The following RPSA2 variants were observed in gnomAD, a reference collection of about 807,000 sequenced individuals.
The protein encoded by RPSA2 is small ribosomal subunit protein uS2B.
the RPSA2 span, among the ~76,000 whole-genome samples, chr19:23,861,080 T>C: frequency 6.6e-6 from 1 of 152,094 alleles, no homozygotes; most frequent in South Asian, 2.1e-4. Context: ...CTTGGACAAA[T>C]TTTTAGATTA....
the RPSA2 span, among the ~76,000 whole-genome samples, chr19:23,769,439 G>C: frequency 6.6e-6 from 1 of 152,134 alleles, no homozygotes; most frequent in Non-Finnish European, 1.5e-5. Context: ...CACCTCCTGG[G>C]TTCAAGTGAT....
chr19:23,835,678 C>T, the RPSA2 span, among the ~76,000 whole-genome samples: 1 of 151,886 alleles, frequency 6.6e-6, no homozygotes, highest in Admixed American at 6.6e-5. Flanking sequence ...GCTCTGTCTC[C>T]CAGGCTGGAG....
the RPSA2 span, among the ~76,000 whole-genome samples, chr19:23,835,282 G>T: frequency 6.6e-6 from 1 of 152,048 alleles, no homozygotes; most frequent in South Asian, 2.1e-4. Flanking sequence ...GATTTACATA[G>T]AGTTAAATAT....
At chr19:23,762,663 G>A in the RPSA2 span, among the ~76,000 whole-genome samples, 1 of 108,230 alleles carries the variant, frequency 9.2e-6, no homozygotes, top group Admixed American at 1.2e-4. Context: ...GCAATGAGGC[G>A]GAAACTCGGT....
the RPSA2 span, among the ~76,000 whole-genome samples, chr19:23,772,667 A>C: frequency 2.0e-5 from 3 of 152,268 alleles, no homozygotes; most frequent in East Asian, 5.8e-4. Context: ...TCTAATATGC[A>C]CACCTCGCCA....
the RPSA2 span, chr19:23,819,461 G>A: frequency 6.6e-6 from 1 of 152,344 alleles, no homozygotes; most frequent in East Asian, 1.9e-4. Context: ...GCAGCAGTGA[G>A]TAGACAAGAT....
chr19:23,841,380 C>T, the RPSA2 span, among the ~76,000 whole-genome samples: 8 of 152,048 alleles, frequency 5.3e-5, no homozygotes, highest in Non-Finnish European at 7.3e-5. Context: ...AGGAGAATGG[C>T]GTGAACCTGA....
chr19:23,832,092 A>G, the RPSA2 span: 1 of 457,412 alleles, frequency 2.2e-6, no homozygotes, highest in Non-Finnish European at 4.4e-6. Context: ...AGCAACACTC[A>G]ACCCTTACTA....
At chr19:23,771,749 T>C in the RPSA2 span, among the ~76,000 whole-genome samples, 2 of 152,096 alleles carry the variant, frequency 1.3e-5, no homozygotes, top group Non-Finnish European at 2.9e-5. Context: ...CTGTAATATA[T>C]TTCTGGGTCC....
the RPSA2 span, among the ~76,000 whole-genome samples, chr19:23,852,758 G>T: frequency 2.1e-4 from 32 of 152,308 alleles, no homozygotes; most frequent in South Asian, 2.7e-3. Context: ...CCAGTTTATG[G>T]CCAGATTTTG....
the RPSA2 span, among the ~76,000 whole-genome samples, chr19:23,784,017 AC>A: frequency 1.5e-3 from 225 of 152,268 alleles, 2 homozygotes; most frequent in African/African-American, 5.2e-3. Flanking sequence ...GGCCCAGCAC[AC>A]AGTTGATGTG....
the RPSA2 span, among the ~76,000 whole-genome samples, chr19:23,765,775 TAAA>T: frequency 3.3e-5 from 5 of 152,150 alleles, no homozygotes; most frequent in African/African-American, 1.2e-4. Flanking sequence ...ACTTAAAAGT[TAAA>T]AAAATAATTT....
At chr19:23,863,478 C>A in the RPSA2 span, among the ~76,000 whole-genome samples, 2 of 147,678 alleles carry the variant, frequency 1.4e-5, no homozygotes, top group African/African-American at 5.0e-5. Flanking sequence ...GCAAGAGAAT[C>A]GCTTGAACTC....
chr19:23,831,824 A>G, the RPSA2 span: 1 of 303,858 alleles, frequency 3.3e-6, no homozygotes, highest in Non-Finnish European at 6.9e-6. Flanking sequence ...TAAATGTTTG[A>G]AAGTCCTTTA....
the RPSA2 span, among the ~76,000 whole-genome samples, chr19:23,823,271 C>T: frequency 6.6e-6 from 1 of 152,148 alleles, no homozygotes; most frequent in Non-Finnish European, 1.5e-5. Context: ...CAATACAGCA[C>T]AACACATTCA....
chr19:23,866,231 C>T, the RPSA2 span, among the ~76,000 whole-genome samples: 1 of 152,214 alleles, frequency 6.6e-6, no homozygotes, highest in Non-Finnish European at 1.5e-5. Context: ...ACAGGGATCA[C>T]AGGAGCCTTA....
At chr19:23,863,302 A>G in the RPSA2 span, among the ~76,000 whole-genome samples, 14 of 152,158 alleles carry the variant, frequency 9.2e-5, no homozygotes, top group Non-Finnish European at 2.1e-4. Context: ...AGTGGCACCC[A>G]CCTGTAATCT....
At chr19:23,862,620 A>C in the RPSA2 span, among the ~76,000 whole-genome samples, 1 of 152,134 alleles carries the variant, frequency 6.6e-6, no homozygotes. Context: ...CCTTTTCTGC[A>C]TCTATTGAGA....
chr19:23,864,128 ACAG>A, the RPSA2 span, among the ~76,000 whole-genome samples: 1 of 152,206 alleles, frequency 6.6e-6, no homozygotes, highest in Non-Finnish European at 1.5e-5. Context: ...AAGTAATTTG[ACAG>A]CATAGATCCC....
Sources: allele counts gnomAD v4.1 joint callset (sites outside exome capture counted in the v4.1 genomes callset), GRCh38; gene constraint gnomAD v4.1.1; transcripts MANE v1.5; gene names NCBI Gene and HGNC (gene_info 2026-07-23, HGNC 2026-07-21).